RANBP3: variants seen among roughly 807,000 people sequenced by gnomAD.
RANBP3 encodes the protein ran-binding protein 3.
A neutral mutation model predicts 77.3 loss-of-function variants in RANBP3; 14 were observed. That is an observed-to-expected ratio of 0.18 (90% confidence interval 0.12 to 0.28). The LOEUF (loss-of-function observed/expected upper bound fraction) is 0.28. Among genes scored for constraint, RANBP3 ranks in the 10% least tolerant of loss-of-function variants. The pLI is 1.00. For missense variants in RANBP3, 586 were observed against 752.3 expected (o/e 0.78, Z 2.59); for synonymous variants, 315 against 312.4 (o/e 1.01, Z -0.09).
chr19:5,973,344 C>T (rs892300142), intron 1 of RANBP3, among the ~76,000 whole-genome samples: 7 of 152,176 alleles, frequency 4.6e-5, no homozygotes, highest in Non-Finnish European at 1.0e-4. Context: ...GCTTTTAAAT[C>T]AGTAGTTCTC....
At position 5,933,473 on chromosome 19, in the gene RANBP3, C is replaced by T; in HGVS notation, c.413G>A (p.Arg138Lys). ...TGGCTTCAACCGGAAGCCACTGCTC[C>T]TTTCCTCTAAAAGCACAAGACAAAA... Reference protein sequence around the residue: ...TQFPPSQSEERSSGFRLKPPT... With the variant: ...TQFPPSQSEEKSSGFRLKPPT... Residue 138 changes from arginine to lysine, a missense_variant, in exon 6 of 17, where the codon AGG (arginine) becomes AAG (lysine). By Grantham distance (26) the Arg-to-Lys change is conservative (BLOSUM62 2). Around this residue, in one of 5 missense-constraint regions of RANBP3, gnomAD observed 172 missense variants for 183.4 expected, o/e 0.94. Coordinates refer to ENST00000340578, the MANE Select transcript of RANBP3 (RefSeq NM_007322.3). The T allele has an allele frequency of 6.2e-7, 1 of 1,613,404 alleles. No individual in the cohort carries two copies. Among genetic ancestry groups the T allele is most frequent in the Non-Finnish European group, 8.5e-7 (1 of 1,179,812 alleles).
intron 2 of RANBP3, among the ~76,000 whole-genome samples, chr19:5,954,073 C>T (rs1307872195): frequency 6.6e-6 from 1 of 152,212 alleles, no homozygotes; most frequent in Non-Finnish European, 1.5e-5. Flanking sequence ...CAAAAAATTC[C>T]TCGGCTGGCA....
chr19:5,960,797 G>A (rs1343814638), intron 1 of RANBP3, among the ~76,000 whole-genome samples: 1 of 152,228 alleles, frequency 6.6e-6, no homozygotes, highest in Admixed American at 6.5e-5. Context: ...AGGCTGTGGT[G>A]CCAAGGTGCT....
chr19:5,975,921 G>C (rs937436770), intron 1 of RANBP3, among the ~76,000 whole-genome samples: 1 of 151,970 alleles, frequency 6.6e-6, no homozygotes, highest in Non-Finnish European at 1.5e-5. Context: ...CACAGAGCAA[G>C]GCAGCAGAGA....
chr19:5,919,534 C>T lies in RANBP3; in HGVS notation c.1331-896G>A, dbSNP rs529825857. Among the ~76,000 whole-genome samples the T allele has an allele frequency of 2.0e-5, 3 of 152,336 alleles. No individual in the cohort carries two copies. The South Asian group carries it at 6.2e-4, about 32-fold the overall frequency. On this transcript the variant is annotated intron_variant, in intron 14 of 16. Transcript: ENST00000340578. ...CCAGGCAGAGGGGATGACCTGGGGG[C>T]TCAGGGCTCTATGCCCTCTCTTTCC...
In RANBP3 at chr19:5,957,717, A is replaced by G. The variant is rs1434468890; in HGVS notation, c.78+201T>C. On this transcript the variant is annotated intron_variant, in intron 2 of 16. Coordinates refer to ENST00000340578, the MANE Select transcript of RANBP3 (RefSeq NM_007322.3). ...TCTGAGCCCTTTCCACAACAGACCC[A>G]TCCTAACCTCTCTCCACGGTAACCT... Among the ~76,000 whole-genome samples the G allele has an allele frequency of 2.6e-5, 4 of 152,224 alleles. No homozygotes were observed. In the East Asian group the frequency reaches 7.7e-4, roughly 29 times the overall value.
chr19:5,923,040 C>T (rs758935180), intron 13 of RANBP3, among the ~76,000 whole-genome samples, 154 bp downstream of exon 13: 12 of 152,246 alleles, frequency 7.9e-5, no homozygotes, highest in Non-Finnish European at 1.6e-4. Flanking sequence ...TCTCTACAAA[C>T]GCCACCAACA....
intron 5 of RANBP3, chr19:5,933,894 T>C (rs1274728645): frequency 6.2e-6 from 1 of 160,852 alleles, no homozygotes; most frequent in Non-Finnish European, 1.4e-5. Context: ...AGGATGCGGC[T>C]GTGGCCAGGA....
intron 5 of RANBP3, among the ~76,000 whole-genome samples, chr19:5,939,136 G>C (rs2058102188): frequency 1.3e-5 from 2 of 152,160 alleles, no homozygotes; most frequent in Admixed American, 6.5e-5. Flanking sequence ...AGTGAGTTGA[G>C]ATCACACCAC....
At chr19:5,925,345 C>T in intron 10 of RANBP3, 3 of 535,708 alleles carry the variant, frequency 5.6e-6, no homozygotes, top group Non-Finnish European at 1.0e-5. Flanking sequence ...ATGAGGTCCA[C>T]AAGACAGAGG....
chr19:5,944,299 C>A (rs1214457550), intron 3 of RANBP3, among the ~76,000 whole-genome samples: 1 of 152,184 alleles, frequency 6.6e-6, no homozygotes, highest in African/African-American at 2.4e-5. Flanking sequence ...GGACTGGGAA[C>A]CTTTCTAGAA....
At chr19:5,968,666 T>G (rs2058496117) in intron 1 of RANBP3, among the ~76,000 whole-genome samples, 1 of 152,194 alleles carries the variant, frequency 6.6e-6, no homozygotes, top group Non-Finnish European at 1.5e-5. Flanking sequence ...CCTGGGACAC[T>G]CAAGGCAAAC....
rs969575649 is a variant in RANBP3 at position 5,967,196 on chromosome 19, G to A, written c.23-9223C>T. 4.6e-5 allele frequency among the ~76,000 whole-genome samples: 7 copies of A among 152,274 alleles called. No homozygotes were observed. The South Asian group carries it at 6.2e-4, about 14-fold the overall frequency. ...TTCTCCAGCCCAGCTAGTGGAAGGCGGTGGGACCCTGGATGACTCCGTTCT... is the reference window on the plus strand; with the variant it reads ...TTCTCCAGCCCAGCTAGTGGAAGGCAGTGGGACCCTGGATGACTCCGTTCT... On this transcript the variant is annotated intron_variant, in intron 1 of 16. Coordinates refer to ENST00000340578, the MANE Select transcript of RANBP3 (RefSeq NM_007322.3).
In RANBP3 at chr19:5,921,070, A is replaced by G; in HGVS notation, c.1330+131T>C. ...GGGTTTGGGGGGCGGCTCTCATGGG[A>G]GACCGACTCTGTGCCTTGACTCTCA... On this transcript the variant is annotated intron_variant, in intron 14 of 16. Transcript: ENST00000340578. The surrounding 1 kb of genome is among the most constrained non-coding windows in gnomAD (Gnocchi z 5.3). 8.2e-7 allele frequency: 1 copy of G among 1,225,160 alleles called. No individual in the cohort carries two copies. Among genetic ancestry groups the G allele is most frequent in the East Asian group, 2.7e-5 (1 of 36,554 alleles). The allele number at this position is 1,225,160 out of a possible 1,614,324, so 75.9% of individuals were successfully genotyped here. A position where few individuals can be genotyped will look rare whatever the true frequency, so the allele number is the denominator to read the frequency against.
chr19:5,944,120 G>C (rs909335556), intron 3 of RANBP3, among the ~76,000 whole-genome samples: 9 of 152,212 alleles, frequency 5.9e-5, no homozygotes, highest in African/African-American at 2.2e-4. Context: ...TGCACGCTGG[G>C]AGCAGATGAT....
chr19:5,929,021 G>A (rs371155150), intron 8 of RANBP3, among the ~76,000 whole-genome samples: 9 of 152,300 alleles, frequency 5.9e-5, no homozygotes, highest in East Asian at 1.9e-4. Flanking sequence ...CCGTGAACTC[G>A]GAGGTGAGAA....
chr19:5,949,608 C>A (rs1412824474), intron 3 of RANBP3, among the ~76,000 whole-genome samples: 1 of 152,230 alleles, frequency 6.6e-6, no homozygotes, highest in African/African-American at 2.4e-5. Flanking sequence ...GCCTCCAATC[C>A]TGGCTCTCCC....
At position 5,967,098 on chromosome 19, in the gene RANBP3, G is replaced by A. The variant is rs79166452; in HGVS notation, c.23-9125C>T. Among the ~76,000 whole-genome samples, 412 of 152,316 alleles carry A rather than the reference G, an allele frequency of 2.7e-3. 1 individual carries two copies. Among genetic ancestry groups the A allele is most frequent in the East Asian group, 0.014 (74 of 5,190 alleles). On this transcript the variant is annotated intron_variant, in intron 1 of 16. Coordinates refer to ENST00000340578, the MANE Select transcript of RANBP3 (RefSeq NM_007322.3). ...TGTCCTCCAACTGATTCTTTGGTAC[G>A]GAATGGAACTGATCTCAAACATGCA...
chr19:5,950,797 C>CA (rs1254594927), intron 3 of RANBP3: 1 of 153,916 alleles, frequency 6.5e-6, no homozygotes, highest in Admixed American at 6.4e-5. Context: ...CTATAATCTT[C>CA]AAAAGGCTTC....
Sources: allele counts gnomAD v4.1 joint callset (sites outside exome capture counted in the v4.1 genomes callset), GRCh38; gene constraint gnomAD v4.1.1; regional missense constraint gnomAD v4.1.1; non-coding constraint Gnocchi (gnomAD v3.1); transcripts MANE v1.5; gene names NCBI Gene and HGNC (gene_info 2026-07-23, HGNC 2026-07-21).